The following ARHGEF7 variants were observed in gnomAD, a reference collection of about 807,000 sequenced individuals.
ARHGEF7 encodes PAK-interacting exchange factor beta.
ARHGEF7 carries 33 observed loss-of-function variants against 109.8 expected under a neutral mutation model. That is an observed-to-expected ratio of 0.30 (90% CI 0.23 to 0.40). The LOEUF is 0.40. ARHGEF7 is among the 10% of genes least tolerant of loss of function. The probability of loss-of-function intolerance (pLI) is 1.00; values close to 1 mark genes in which losing one functional copy is unlikely to be tolerated. For synonymous variants in ARHGEF7, 458 were observed against 424.6 expected (o/e 1.08, Z -0.97); for missense variants, 938 against 1,098.5 (o/e 0.85, Z 2.07).
chr13:111,150,250 AG>A (rs1205507514), intron 1 of ARHGEF7, among the ~76,000 whole-genome samples: 4 of 152,258 alleles, frequency 2.6e-5, no homozygotes, highest in African/African-American at 9.6e-5. Context: ...GTTCAAGTAC[AG>A]GGTCACATTC....
intron 2 of ARHGEF7, among the ~76,000 whole-genome samples, chr13:111,192,127 C>T (rs985355158): frequency 1.3e-5 from 2 of 152,076 alleles, no homozygotes; most frequent in East Asian, 1.9e-4. Context: ...TCCAGTGGTT[C>T]GCAGGTGTAT....
chr13:111,206,467 C>A (rs1270977347), intron 3 of ARHGEF7, among the ~76,000 whole-genome samples: 2 of 152,132 alleles, frequency 1.3e-5, no homozygotes, highest in African/African-American at 4.8e-5. Flanking sequence ...GGGCAGACCC[C>A]AGGCAGAGGT....
chr13:111,229,105 A>G (rs1429756237), intron 5 of ARHGEF7, among the ~76,000 whole-genome samples: 3 of 151,788 alleles, frequency 2.0e-5, no homozygotes, highest in Non-Finnish European at 2.9e-5. Flanking sequence ...GCCCTCGCCC[A>G]GCTGTGCAGC....
chr13:111,213,981 A>C (rs2082809520), intron 4 of ARHGEF7, among the ~76,000 whole-genome samples: 1 of 152,208 alleles, frequency 6.6e-6, no homozygotes, highest in African/African-American at 2.4e-5. Context: ...ATAGGCAGAA[A>C]GAACATTACA....
chr13:111,128,149 C>T (rs533629751), intron 1 of ARHGEF7, among the ~76,000 whole-genome samples: 1 of 152,190 alleles, frequency 6.6e-6, no homozygotes, highest in Non-Finnish European at 1.5e-5. Context: ...AGATCAGGAA[C>T]AAGACAGGGG....
Position 111,177,234 on chromosome 13 carries a change from T to C in ARHGEF7, c.252+23243T>C, listed in dbSNP as rs2078257404. 3.3e-5 allele frequency among the ~76,000 whole-genome samples: 5 copies of C among 152,308 alleles called. No homozygotes were observed. In the South Asian group the frequency reaches 1.0e-3, roughly 32 times the overall value. On this transcript the variant is annotated intron_variant, in intron 2 of 21. Coordinates refer to ENST00000646102, the MANE Select transcript of ARHGEF7 (RefSeq NM_001354046.2). ...GGGCCAGGGCCACACAGCTGGTGCATTGTGGCCGGGGCTGAGGCTGGGCCT... is the reference window on the plus strand; with the variant it reads ...GGGCCAGGGCCACACAGCTGGTGCACTGTGGCCGGGGCTGAGGCTGGGCCT...
At chr13:111,244,136 C>A in intron 7 of ARHGEF7, 63 bp from the exon 8 acceptor site, 2 of 1,353,950 alleles carry the variant, frequency 1.5e-6, no homozygotes, top group Non-Finnish European at 2.1e-6. Context: ...ATTGGGATGG[C>A]AAAGGAGAAG....
chr13:111,221,425 C>CTA (rs201289712), intron 5 of ARHGEF7, among the ~76,000 whole-genome samples: 664 of 6,352 alleles, frequency 0.1, 213 homozygotes, highest in Non-Finnish European at 0.12. Flanking sequence ...GTCTATATAT[C>CTA]TATATATAGA....
intron 2 of ARHGEF7, among the ~76,000 whole-genome samples, chr13:111,154,372 C>G (rs961031209): frequency 1.3e-5 from 2 of 152,176 alleles, no homozygotes; most frequent in Admixed American, 1.3e-4. Context: ...AGATTGTCAT[C>G]TAAGGGCTGG....
intron 8 of ARHGEF7, among the ~76,000 whole-genome samples, chr13:111,251,174 T>TTC (rs745809623): frequency 6.6e-5 from 10 of 152,144 alleles, no homozygotes; most frequent in Non-Finnish European, 1.2e-4. Context: ...TAGACTCGGG[T>TTC]ATGACGGAAA....
intron 2 of ARHGEF7, among the ~76,000 whole-genome samples, chr13:111,190,103 G>A (rs2079700690): frequency 6.6e-6 from 1 of 152,176 alleles, no homozygotes; most frequent in South Asian, 2.1e-4. Flanking sequence ...GTTTGTCCAG[G>A]GGCCCTTGGT....
intron 19 of ARHGEF7, among the ~76,000 whole-genome samples, chr13:111,298,850 G>C (rs754937870): frequency 2.3e-4 from 35 of 152,174 alleles, no homozygotes; most frequent in Non-Finnish European, 4.4e-4. Context: ...GCCTTTGAAG[G>C]GGCATTTGGC....
chr13:111,181,313 C>T (rs1285984036), intron 2 of ARHGEF7, among the ~76,000 whole-genome samples: 1 of 152,154 alleles, frequency 6.6e-6, no homozygotes, highest in East Asian at 1.9e-4. Context: ...TCAAATTTTA[C>T]ATCCCTTTGC....
At chr13:111,299,424 G>A (rs2093507553) in intron 19 of ARHGEF7, among the ~76,000 whole-genome samples, 1 of 140,832 alleles carries the variant, frequency 7.1e-6, no homozygotes, top group African/African-American at 2.6e-5. Context: ...CTCACTGCAA[G>A]CTCCACCACC....
At chr13:111,270,078 T>C (rs1341879590) in intron 9 of ARHGEF7, among the ~76,000 whole-genome samples, 1 of 152,250 alleles carries the variant, frequency 6.6e-6, no homozygotes, top group African/African-American at 2.4e-5. Flanking sequence ...GTGTGAGCCC[T>C]GCGAGCGCAG....
At chr13:111,132,308 A>T (rs1436751764) in intron 1 of ARHGEF7, among the ~76,000 whole-genome samples, 1 of 152,196 alleles carries the variant, frequency 6.6e-6, no homozygotes, top group African/African-American at 2.4e-5. Context: ...CAAAATGTCT[A>T]AGACTTTCAT....
intron 4 of ARHGEF7, among the ~76,000 whole-genome samples, chr13:111,211,546 C>T (rs951733983): frequency 6.6e-6 from 1 of 152,138 alleles, no homozygotes; most frequent in Non-Finnish European, 1.5e-5. Flanking sequence ...TTTCGTTATA[C>T]TAGAAATAGA....
chr13:111,206,395 A>ATGC (rs1182907857), intron 3 of ARHGEF7, among the ~76,000 whole-genome samples: 1 of 151,924 alleles, frequency 6.6e-6, no homozygotes, highest in Non-Finnish European at 1.5e-5. Context: ...CTGGAAGCTG[A>ATGC]TGCTGCTGCT....
At chr13:111,187,151 A>G (rs912940292) in intron 2 of ARHGEF7, among the ~76,000 whole-genome samples, 2 of 152,036 alleles carry the variant, frequency 1.3e-5, no homozygotes, top group Admixed American at 6.6e-5. Context: ...GCTCTGGGGG[A>G]CTGTCTGAAT....
Sources: gnomAD v4.1 joint callset for allele counts (sites outside exome capture counted in the v4.1 genomes callset) on GRCh38, gnomAD v4.1.1 for gene constraint, MANE v1.5 for transcripts, NCBI Gene and HGNC (gene_info 2026-07-23, HGNC 2026-07-21) for gene names.